AMN1: variants seen among roughly 807,000 people sequenced by gnomAD.
The protein encoded by AMN1 is antagonist of mitotic exit network 1 homolog, also known as protein AMN1 homolog.
In AMN1, 20 loss-of-function variants were observed where a neutral mutation model predicts 33.0. The observed-to-expected ratio is 0.61, with a 90% CI of 0.43 to 0.88. The LOEUF is 0.88. AMN1 is among the 40% of genes least tolerant of loss of function. The pLI is 0.00. For missense variants in AMN1, 246 were observed against 307.4 expected (o/e 0.80, Z 1.49); for synonymous variants, 114 against 111.9 (o/e 1.02, Z -0.12).
chr12:31,707,001 AATAAG>A (rs1257206500), intron 2 of AMN1, among the ~76,000 whole-genome samples: 3,194 of 91,864 alleles, frequency 0.035, 131 homozygotes, highest in African/African-American at 0.093. Flanking sequence ...AGAAAAGATT[AATAAG>A]ATAAAACGAA....
At position 31,701,926 on chromosome 12, in the gene AMN1, T is replaced by C. The variant is rs1240396957; in HGVS notation, c.253A>G (p.Arg85Gly). The C allele has an allele frequency of 1.2e-6, 2 of 1,609,676 alleles. No homozygotes were observed. Among genetic ancestry groups the C allele is most frequent in the Non-Finnish European group, 1.7e-6 (2 of 1,178,712 alleles). Reference sequence around the variant, plus strand: ...TTTAAATTTAATTTCTTCAGTTTTCTACAGTTAGACAGGTGCAGGAGAGCA... The same window carrying C: ...TTTAAATTTAATTTCTTCAGTTTTCCACAGTTAGACAGGTGCAGGAGAGCA... ...DAALLHLSNCRKLKKLNLNAS... is the reference protein window; with the variant it reads ...DAALLHLSNCGKLKKLNLNAS... The change falls in exon 3 of 7, where the codon AGA (arginine) becomes GGA (glycine). Residue 85 changes from arginine (R) to glycine (G), a missense_variant. Coordinates refer to ENST00000281471, the MANE Select transcript of AMN1 (RefSeq NM_001113402.2).
chr12:31,685,857 T>TA (rs200022111), intron 6 of AMN1, among the ~76,000 whole-genome samples: 2 of 139,776 alleles, frequency 1.4e-5, no homozygotes, highest in East Asian at 2.0e-4. Flanking sequence ...TTGTTATTAT[T>TA]TTTTTTTTTT....
intron 1 of AMN1, among the ~76,000 whole-genome samples, chr12:31,727,390 C>G (rs1410066732): frequency 6.6e-6 from 1 of 152,194 alleles, no homozygotes; most frequent in Non-Finnish European, 1.5e-5. Context: ...CTCCCCATGA[C>G]TGAAAGAGGA....
At chr12:31,694,304 T>G (rs1159036513) in intron 5 of AMN1, among the ~76,000 whole-genome samples, 1 of 151,724 alleles carries the variant, frequency 6.6e-6, no homozygotes, top group African/African-American at 2.4e-5. Flanking sequence ...TAGCTGGGCA[T>G]GGTGGCAGCT....
At chr12:31,700,726 G>C (rs528657324) in intron 3 of AMN1, among the ~76,000 whole-genome samples, 2 of 151,602 alleles carry the variant, frequency 1.3e-5, no homozygotes, top group East Asian at 3.9e-4. Flanking sequence ...GTCTTGCTCT[G>C]TTGCTCAGGC....
At chr12:31,697,179 C>T (rs1938765567) in intron 5 of AMN1, among the ~76,000 whole-genome samples, 182 bp downstream of exon 5, 1 of 152,074 alleles carries the variant, frequency 6.6e-6, no homozygotes, top group Admixed American at 6.6e-5. Flanking sequence ...TATTTTAAAG[C>T]ACCTTTATTT....
chr12:31,729,031 T>A, upstream of AMN1: 2 of 1,538,030 alleles, frequency 1.3e-6, no homozygotes, highest in Non-Finnish European at 1.8e-6. Context: ...TGAAGCCTCT[T>A]CCGCGGTCCC....
chr12:31,676,610 C>T (rs1369634042), intron 6 of AMN1, among the ~76,000 whole-genome samples: 2 of 151,326 alleles, frequency 1.3e-5, no homozygotes, highest in Non-Finnish European at 2.9e-5. Flanking sequence ...GTGTGAGCCA[C>T]CGCGCCTGGC....
chr12:31,687,730 A>G lies in AMN1; in HGVS notation c.703+1277T>C, dbSNP rs1938329294. ...AATTGGAATAATTATTTAGACTGTA[A>G]TAAGAAAAATGAGCTGGAAGGACTG... On this transcript the variant is annotated intron_variant, in intron 6 of 6. Coordinates refer to ENST00000281471, the MANE Select transcript of AMN1 (RefSeq NM_001113402.2). The surrounding 1 kb of genome is among the most constrained non-coding windows in gnomAD (Gnocchi z 4.1). 6.6e-6 allele frequency among the ~76,000 whole-genome samples: 1 copy of G among 152,118 alleles called. No homozygotes were observed. The highest frequency in any genetic ancestry group is 1.5e-5 in the Non-Finnish European group (1 of 68,022).
At chr12:31,717,052 C>CTAGGTATTAAGT (rs1939703261) in intron 1 of AMN1, among the ~76,000 whole-genome samples, 1 of 151,870 alleles carries the variant, frequency 6.6e-6, no homozygotes, top group Admixed American at 6.6e-5. Flanking sequence ...GGATATACAC[C>CTAGGTATTAAGT]TAGGTATTAA....
chr12:31,714,828 TA>T, intron 1 of AMN1: 1 of 775,716 alleles, frequency 1.3e-6, no homozygotes, highest in Non-Finnish European at 1.6e-6. Flanking sequence ...TCCATTGACC[TA>T]AAAGCTCTAC....
At chr12:31,681,758 C>CA (rs1379842417) in intron 6 of AMN1, among the ~76,000 whole-genome samples, 2 of 152,152 alleles carry the variant, frequency 1.3e-5, no homozygotes, top group African/African-American at 4.8e-5. Context: ...AGGCTGATTT[C>CA]AAACCCCTGG....
intron 6 of AMN1, among the ~76,000 whole-genome samples, chr12:31,680,792 TC>T: frequency 6.6e-6 from 1 of 152,158 alleles, no homozygotes; most frequent in East Asian, 1.9e-4. Flanking sequence ...GTAAATACTT[TC>T]TATATAATAT....
rs200315767 is a variant in AMN1 at position 31,723,646 on chromosome 12, G to A, written c.38+5325C>T. Among the ~76,000 whole-genome samples, 27 of 152,276 alleles carry A rather than the reference G, an allele frequency of 1.8e-4. No individual in the cohort carries two copies. In the East Asian group the frequency reaches 4.4e-3, roughly 25 times the overall value. On this transcript the variant is annotated intron_variant, in intron 1 of 6. Transcript: ENST00000281471. ...GCTCAACAATGAGCCGATAGTCAAG[G>A]TATTCAACAGATGTTTCACACCCCT...
chr12:31,720,588 T>TA (rs1939846820), intron 1 of AMN1, among the ~76,000 whole-genome samples: 1 of 151,148 alleles, frequency 6.6e-6, no homozygotes, highest in Admixed American at 6.6e-5. Context: ...TTCTCACAAA[T>TA]ACCAATTATG....
intron 6 of AMN1, among the ~76,000 whole-genome samples, chr12:31,674,602 A>G (rs898759398): frequency 1.3e-5 from 2 of 152,144 alleles, no homozygotes; most frequent in African/African-American, 4.8e-5. Flanking sequence ...AACATAACAT[A>G]CTCACATTTT....
rs556468387 is a variant in AMN1 at position 31,696,120 on chromosome 12, C to G, written c.591+1241G>C. 1.7e-4 allele frequency among the ~76,000 whole-genome samples: 26 copies of G among 151,906 alleles called. No homozygotes were observed. In the South Asian group the frequency reaches 5.2e-3, roughly 30 times the overall value. The stretch of plus-strand genomic sequence containing the variant: ...GATGTGGTGGCACATGCCTGCAGTC[C>G]CAGCTACTCAGGAGACTGAGGCTGG... On this transcript the variant is annotated intron_variant, in intron 5 of 6. Coordinates refer to ENST00000281471, the MANE Select transcript of AMN1 (RefSeq NM_001113402.2).
chr12:31,690,408 C>T (rs1334240407), intron 5 of AMN1, among the ~76,000 whole-genome samples: 2 of 152,170 alleles, frequency 1.3e-5, no homozygotes, highest in African/African-American at 4.8e-5. Context: ...ACCACATCCA[C>T]ACCAACATCT....
intron 1 of AMN1, among the ~76,000 whole-genome samples, chr12:31,722,110 G>C (rs1001154033): frequency 6.8e-6 from 1 of 147,252 alleles, no homozygotes; most frequent in Non-Finnish European, 1.5e-5. Flanking sequence ...CTTCTGACAA[G>C]TTGACTATAT....
Sources: gnomAD v4.1 joint callset for allele counts (sites outside exome capture counted in the v4.1 genomes callset) on GRCh38, gnomAD v4.1.1 for gene constraint, Gnocchi (gnomAD v3.1) non-coding constraint, MANE v1.5 for transcripts, NCBI Gene and HGNC (gene_info 2026-07-23, HGNC 2026-07-21) for gene names.